Variants in SLC12A8 observed in about 807,000 individuals in gnomAD.
SLC12A8 encodes the protein cation-chloride cotransporter 9.
Under a neutral mutation model 75.6 loss-of-function variants are expected in SLC12A8, and 69 were observed. That is an observed-to-expected ratio of 0.91 (90% CI 0.75 to 1.11). SLC12A8 has a LOEUF of 1.11. Ranked by LOEUF, SLC12A8 falls within the 50% of genes most tolerant of loss-of-function variation. The pLI is 0.00. For missense variants in SLC12A8, 877 were observed against 896.7 expected, an observed-to-expected ratio of 0.98 and a Z score of 0.28; for synonymous variants, 365 against 372.8, an observed-to-expected ratio of 0.98 and a Z score of 0.24.
chr3:125,087,236 A>G (rs933335964), intron 13 of SLC12A8, among the ~76,000 whole-genome samples: 2 of 151,794 alleles, frequency 1.3e-5, no homozygotes, highest in Admixed American at 1.3e-4. Context: ...TTGGAATTAC[A>G]GGCACGCCAC....
chr3:125,207,442 G>A (rs1935247445), intron 2 of SLC12A8, among the ~76,000 whole-genome samples: 2 of 152,180 alleles, frequency 1.3e-5, no homozygotes, highest in South Asian at 4.1e-4. Context: ...GCTAGCTGGA[G>A]GCACTTCTTA....
intron 10 of SLC12A8, among the ~76,000 whole-genome samples, chr3:125,096,524 C>T (rs946974552): frequency 2.6e-4 from 39 of 152,272 alleles, no homozygotes; most frequent in Non-Finnish European, 4.7e-4. Flanking sequence ...TCATTCTACA[C>T]CTTGAGAAGA....
chr3:125,138,543 T>C (rs900184220), intron 5 of SLC12A8, among the ~76,000 whole-genome samples: 2 of 132,916 alleles, frequency 1.5e-5, no homozygotes, highest in African/African-American at 5.7e-5. Context: ...TACTATATGC[T>C]AATTCAGAAA....
chr3:125,096,730 A>G (rs1304760771), intron 10 of SLC12A8, among the ~76,000 whole-genome samples: 1 of 152,246 alleles, frequency 6.6e-6, no homozygotes, highest in African/African-American at 2.4e-5. Flanking sequence ...TAAAGTCTGC[A>G]AGATTGATCT....
chr3:125,088,461 T>C, intron 12 of SLC12A8, 91 bp from the exon 13 acceptor site: 1 of 965,886 alleles, frequency 1.0e-6, no homozygotes. Flanking sequence ...CAAACCCCAA[T>C]ACACACACAC....
At chr3:125,119,080 T>A (rs1314412386) in intron 7 of SLC12A8, 1 of 408,476 alleles carries the variant, frequency 2.4e-6, no homozygotes, top group Non-Finnish European at 4.5e-6. Context: ...TTTCTTTTTT[T>A]ACTTTTAAAT....
chr3:125,138,310 A>C (rs1236809507), intron 5 of SLC12A8, among the ~76,000 whole-genome samples: 1 of 152,326 alleles, frequency 6.6e-6, no homozygotes, highest in East Asian at 1.9e-4. Flanking sequence ...CTGAGGCGAG[A>C]GGATTGCTTG....
chr3:125,084,343 C>A (rs1021722651), intron 13 of SLC12A8, among the ~76,000 whole-genome samples: 4 of 151,940 alleles, frequency 2.6e-5, no homozygotes, highest in African/African-American at 9.7e-5. Context: ...AGAGGTTTTG[C>A]CCTCCAAATG....
At chr3:125,091,299 C>T in intron 12 of SLC12A8, 140 bp downstream of exon 12, 1 of 639,852 alleles carries the variant, frequency 1.6e-6, no homozygotes, top group Non-Finnish European at 2.9e-6. Flanking sequence ...CACAGTTCTC[C>T]TCCTAGACTA....
At chr3:125,141,962 G>T (rs547467526) in intron 5 of SLC12A8, among the ~76,000 whole-genome samples, 10 of 152,182 alleles carry the variant, frequency 6.6e-5, no homozygotes, top group African/African-American at 1.9e-4. Context: ...GACGACGCCC[G>T]AAGGGCGTCG....
chr3:125,199,041 G>A (rs1269470480), intron 2 of SLC12A8, among the ~76,000 whole-genome samples: 1 of 152,110 alleles, frequency 6.6e-6, no homozygotes, highest in African/African-American at 2.4e-5. Context: ...GCCTCCCAAA[G>A]TGCTGGGATT....
chr3:125,095,430 C>T (rs1208074386), intron 10 of SLC12A8, among the ~76,000 whole-genome samples: 2 of 152,190 alleles, frequency 1.3e-5, no homozygotes, highest in African/African-American at 4.8e-5. Context: ...AATGACTCCT[C>T]ACTGCCTCCA....
Position 125,129,815 on chromosome 3 carries a change from G to A in SLC12A8, c.736+5854C>T, listed in dbSNP as rs115798682. On this transcript the variant is annotated intron_variant, in intron 6 of 13. Transcript: ENST00000469902. ...CCGAACATCTGCCAGGAGACAGCAA[G>A]TCATACAAACCATTCGTCCTGCCTA... Among the ~76,000 whole-genome samples, 571 of 152,320 alleles carry A rather than the reference G, an allele frequency of 3.7e-3. 8 individuals are homozygous for A. The highest frequency in any genetic ancestry group is 0.013 in the African/African-American group (538 of 41,564).
chr3:125,091,411 C>G, intron 12 of SLC12A8, 28 bp downstream of exon 12: 1 of 1,463,904 alleles, frequency 6.8e-7, no homozygotes, highest in South Asian at 1.1e-5. Flanking sequence ...AATGAGGGAA[C>G]CAGTGGCAAA....
chr3:125,177,124 A>G (rs983975193), intron 5 of SLC12A8, among the ~76,000 whole-genome samples: 8 of 152,044 alleles, frequency 5.3e-5, no homozygotes, highest in African/African-American at 1.9e-4. Context: ...GCACATATAC[A>G]CCATGAAATA....
In SLC12A8 at chr3:125,133,704, G is replaced by T. The variant is rs148772278; in HGVS notation, c.736+1965C>A. ...GCCTCCCAAAGTTCTGAGATTGTAG[G>T]CATGAGCCACTGCGCCCGGCCAAAG... On this transcript the variant is annotated intron_variant, in intron 6 of 13. Coordinates refer to ENST00000469902, the MANE Select transcript of SLC12A8 (RefSeq NM_024628.6). Among the ~76,000 whole-genome samples, 6 of 152,242 alleles carry T rather than the reference G, an allele frequency of 3.9e-5. No individual in the cohort carries two copies. The East Asian group carries it at 1.2e-3, about 29-fold the overall frequency.
intron 6 of SLC12A8, among the ~76,000 whole-genome samples, chr3:125,122,392 C>T (rs1164912220): frequency 1.3e-5 from 2 of 152,040 alleles, no homozygotes; most frequent in Non-Finnish European, 2.9e-5. Context: ...GGCACATTTT[C>T]TTTCCTCTCA....
intron 2 of SLC12A8, among the ~76,000 whole-genome samples, chr3:125,204,188 A>G (rs1935183022): frequency 6.6e-6 from 1 of 152,224 alleles, no homozygotes; most frequent in Admixed American, 6.5e-5. Context: ...GCTCATTAAA[A>G]ATTAAAAATA....
chr3:125,105,424 AAAG>A (rs890262724), intron 10 of SLC12A8, among the ~76,000 whole-genome samples: 3 of 152,234 alleles, frequency 2.0e-5, no homozygotes, highest in Non-Finnish European at 4.4e-5. Flanking sequence ...GGAAAAAAGA[AAAG>A]AATACATTTC....
Sources: gnomAD v4.1 joint callset for allele counts (sites outside exome capture counted in the v4.1 genomes callset) on GRCh38, gnomAD v4.1.1 for gene constraint, MANE v1.5 for transcripts, NCBI Gene and HGNC (gene_info 2026-07-23, HGNC 2026-07-21) for gene names.